Variants in DENND1A observed in about 807,000 individuals in gnomAD.
DENND1A encodes the protein DENN domain-containing protein 1A.
Under a neutral mutation model 113.7 loss-of-function variants are expected in DENND1A, and 51 were observed. That is an observed-to-expected ratio of 0.45 (90% CI 0.36 to 0.57). DENND1A has a LOEUF of 0.57. Ranked by LOEUF, DENND1A falls within the 20% of genes least tolerant of loss-of-function variation. DENND1A has a pLI of 0.00. For missense variants in DENND1A, 1,258 were observed against 1,395.9 expected (o/e 0.90, Z 1.57); for synonymous variants, 565 against 570.8 (o/e 0.99, Z 0.14).
rs573624733 is a variant in DENND1A at position 123,381,062 on chromosome 9, G to A, written c.*370C>T. ...TGGAGGAGACAGGAGAGCTGGGCTC[G>A]GAGGGGAGGCCTTCGGAGCCTCTTG... On this transcript the variant is annotated 3_prime_UTR_variant, in exon 24 of 24. Coordinates refer to ENST00000394215, the MANE Select transcript of DENND1A (RefSeq NM_001352964.2). The surrounding 1 kb of genome is among the most constrained non-coding windows in gnomAD (Gnocchi z 4.7). The A allele has an allele frequency of 8.3e-5, 20 of 240,034 alleles. No homozygotes were observed. Among genetic ancestry groups the A allele is most frequent in the African/African-American group, 3.5e-4 (15 of 43,374 alleles). The allele number at this position is 240,034 out of a possible 1,614,324, so 14.9% of individuals were successfully genotyped here.
chr9:123,806,397 C>T (rs1835575496), intron 2 of DENND1A, among the ~76,000 whole-genome samples: 1 of 152,082 alleles, frequency 6.6e-6, no homozygotes, highest in Admixed American at 6.6e-5. Flanking sequence ...GTTGGGATTA[C>T]AGGTGCCCGC....
At chr9:123,731,700 T>C (rs2068185218) in intron 5 of DENND1A, among the ~76,000 whole-genome samples, 1 of 152,140 alleles carries the variant, frequency 6.6e-6, no homozygotes, top group Non-Finnish European at 1.5e-5. Flanking sequence ...ACATGATCCA[T>C]AAAAGGTAAG....
intron 12 of DENND1A, among the ~76,000 whole-genome samples, chr9:123,563,641 T>C (rs1210043529): frequency 6.6e-6 from 1 of 152,228 alleles, no homozygotes; most frequent in Admixed American, 6.5e-5. Context: ...TCTTCCTCTA[T>C]TCTCTTCCTA....
At chr9:123,521,072 G>A (rs2054355900) in intron 13 of DENND1A, among the ~76,000 whole-genome samples, 2 of 152,204 alleles carry the variant, frequency 1.3e-5, no homozygotes, top group African/African-American at 4.8e-5. Flanking sequence ...CTGGAGTACA[G>A]GTTCTTATTG....
intron 1 of DENND1A, chr9:123,929,006 G>T: frequency 1.4e-6 from 1 of 722,236 alleles, no homozygotes; most frequent in Non-Finnish European, 1.7e-6. Context: ...CCAGTTCTGG[G>T]GCAGAGGAAG....
intron 13 of DENND1A, among the ~76,000 whole-genome samples, chr9:123,542,684 T>G (rs1410731050): frequency 6.6e-6 from 1 of 152,004 alleles, no homozygotes; most frequent in East Asian, 1.9e-4. Flanking sequence ...TGAGTATCTC[T>G]TCACGCTCTC....
intron 9 of DENND1A, among the ~76,000 whole-genome samples, chr9:123,636,088 G>T (rs1299112719): frequency 6.6e-6 from 1 of 152,128 alleles, no homozygotes; most frequent in East Asian, 1.9e-4. Flanking sequence ...CTGTCTTTAA[G>T]CTGGTCTTGC....
chr9:123,704,724 A>T (rs1441133612), intron 5 of DENND1A, among the ~76,000 whole-genome samples: 1 of 152,116 alleles, frequency 6.6e-6, no homozygotes, highest in Admixed American at 6.6e-5. Flanking sequence ...CTCATTTTTT[A>T]AAGGAATGAT....
At chr9:123,835,915 G>C (rs1840989221) in intron 2 of DENND1A, among the ~76,000 whole-genome samples, 1 of 152,158 alleles carries the variant, frequency 6.6e-6, no homozygotes, top group African/African-American at 2.4e-5. Context: ...GCAAAAGTGA[G>C]ATGGTTAGGG....
intron 13 of DENND1A, among the ~76,000 whole-genome samples, chr9:123,504,975 GAC>G (rs768236442): frequency 6.6e-6 from 1 of 152,194 alleles, no homozygotes; most frequent in Non-Finnish European, 1.5e-5. Context: ...GCGACAGCAT[GAC>G]ACAAGAACCC....
At chr9:123,744,770 CTTTTTT>C (rs57945475) in intron 5 of DENND1A, among the ~76,000 whole-genome samples, 10 of 102,730 alleles carry the variant, frequency 9.7e-5, no homozygotes, top group African/African-American at 3.0e-4. Flanking sequence ...TATATTAGCT[CTTTTTT>C]TTTTTTTTTT....
intron 5 of DENND1A, among the ~76,000 whole-genome samples, chr9:123,707,283 A>G (rs961661944): frequency 8.6e-5 from 13 of 151,808 alleles, no homozygotes; most frequent in African/African-American, 3.1e-4. Context: ...AATCCCAGCT[A>G]CTCGCGAGGC....
At chr9:123,717,540 T>C (rs1343025807) in intron 5 of DENND1A, among the ~76,000 whole-genome samples, 1 of 152,224 alleles carries the variant, frequency 6.6e-6, no homozygotes, top group Non-Finnish European at 1.5e-5. Context: ...TTTCTTCCAC[T>C]AAGAGAAAAA....
chr9:123,779,685 A>C (rs1449467083), intron 3 of DENND1A, among the ~76,000 whole-genome samples: 1 of 151,962 alleles, frequency 6.6e-6, no homozygotes, highest in Non-Finnish European at 1.5e-5. Context: ...TTTTTGGTAG[A>C]GGTGGGGTTT....
intron 2 of DENND1A, among the ~76,000 whole-genome samples, chr9:123,797,192 T>C (rs1299060939): frequency 6.6e-6 from 1 of 152,160 alleles, no homozygotes; most frequent in Admixed American, 6.6e-5. Context: ...ACTTTAACAT[T>C]AGCTATACAC....
In DENND1A at chr9:123,632,563, C is replaced by A. The variant is rs115003006; in HGVS notation, c.619-2087G>T. 2.2e-3 allele frequency among the ~76,000 whole-genome samples: 331 copies of A among 152,192 alleles called. 1 individual carries two copies. Among genetic ancestry groups the A allele is most frequent in the African/African-American group, 7.6e-3 (316 of 41,542 alleles). On this transcript the variant is annotated intron_variant, in intron 9 of 23. Coordinates refer to ENST00000394215, the MANE Select transcript of DENND1A (RefSeq NM_001352964.2). The stretch of plus-strand genomic sequence containing the variant: ...CTCAGCTCTTTCTGCTCATCTTTAA[C>A]TAGCTGCCAGAGCGCTCCTCCTCAA...
At chr9:123,607,520 C>CACACACACACACACACAG (rs1258725435) in intron 11 of DENND1A, among the ~76,000 whole-genome samples, 1 of 73,748 alleles carries the variant, frequency 1.4e-5, no homozygotes, top group African/African-American at 6.8e-5. Flanking sequence ...CACACACACA[C>CACACACACACACACACAG]AGAGAGAGAG....
At chr9:123,746,981 T>C (rs2069565155) in intron 5 of DENND1A, among the ~76,000 whole-genome samples, 3 of 152,154 alleles carry the variant, frequency 2.0e-5, no homozygotes, top group African/African-American at 7.2e-5. Context: ...GAAAACAGTA[T>C]ACTAGCAAAC....
chr9:123,384,032 A>G lies in DENND1A; in HGVS notation c.1761-119T>C, dbSNP rs948218776. On this transcript the variant is annotated intron_variant, in intron 22 of 23. Coordinates refer to ENST00000394215, the MANE Select transcript of DENND1A (RefSeq NM_001352964.2). ...TGCACGCAGGGGCCTGCGGGACAGG[A>G]GAGTGTCCCGGGGTCTCCGTGAGGG... The G allele has an allele frequency of 1.3e-5, 17 of 1,359,526 alleles. No individual in the cohort carries two copies. In the African/African-American group the frequency reaches 2.0e-4, roughly 16 times the overall value. The allele number at this position is 1,359,526 out of a possible 1,614,324, so 84.2% of individuals were successfully genotyped here. A position where few individuals can be genotyped will look rare whatever the true frequency, so the allele number is the denominator to read the frequency against.
Sources: gnomAD v4.1 joint callset for allele counts (sites outside exome capture counted in the v4.1 genomes callset) on GRCh38, gnomAD v4.1.1 for gene constraint, Gnocchi (gnomAD v3.1) non-coding constraint, MANE v1.5 for transcripts, NCBI Gene and HGNC (gene_info 2026-07-23, HGNC 2026-07-21) for gene names.